The following TRPM1 variants were observed in gnomAD, a reference collection of about 807,000 sequenced individuals.
TRPM1 encodes the protein transient receptor potential cation channel subfamily M member 1.
Under a neutral mutation model 149.4 loss-of-function variants are expected in TRPM1, and 113 were observed. The observed-to-expected ratio is 0.76, with a 90% CI of 0.65 to 0.88. The LOEUF is 0.88. TRPM1 is among the 40% of genes least tolerant of loss of function. The probability of loss-of-function intolerance (pLI) is 0.00; values close to 1 mark genes in which losing one functional copy is unlikely to be tolerated. For missense variants in TRPM1, 1,976 were observed against 2,038.7 expected (o/e 0.97, Z 0.59); for synonymous variants, 741 against 759.5 (o/e 0.98, Z 0.40).
Position 31,002,898 on chromosome 15 carries a change from G to A in TRPM1, c.3802C>T (p.Arg1268Trp), listed in dbSNP as rs148625654. The A allele has an allele frequency of 5.9e-5, 95 of 1,613,810 alleles. No homozygotes were observed. The East Asian group carries it at 1.5e-3, about 26-fold the overall frequency. Residue 1268 changes from arginine (R) to tryptophan (W), a missense_variant, in exon 28 of 28, where the codon CGG (arginine) becomes TGG (tryptophan). By Grantham distance (101) the Arg-to-Trp change is moderately radical. Transcript: ENST00000256552. ...TCACATTCAGAAGAAGCCCGGGACC[G>A]TGCCTGGATCAGGTCAGACCTGTCG... is the stretch of plus-strand genomic sequence containing the variant. ...GIDRSDLIQA[R>W]SRASSECEAT...
chr15:31,095,860 G>A (rs113363806), intron 1 of TRPM1, among the ~76,000 whole-genome samples: 6,656 of 151,278 alleles, frequency 0.044, 512 homozygotes, highest in African/African-American at 0.15. Context: ...CCTGGCCAAC[G>A]TGGTGAAACC....
chr15:31,038,787 A>C (rs1405677933), intron 18 of TRPM1, among the ~76,000 whole-genome samples: 4 of 152,100 alleles, frequency 2.6e-5, no homozygotes, highest in Non-Finnish European at 4.4e-5. Context: ...AAATTAAAAT[A>C]GAATAATATA....
chr15:31,096,313 T>G (rs2035384944), intron 1 of TRPM1, among the ~76,000 whole-genome samples: 1 of 152,186 alleles, frequency 6.6e-6, no homozygotes, highest in Non-Finnish European at 1.5e-5. Context: ...TGTGCAGACA[T>G]CTTATACACT....
chr15:31,007,647 GCGCAGCAACAACAACAA>G (rs1272424703), intron 27 of TRPM1, among the ~76,000 whole-genome samples: 14 of 64,486 alleles, frequency 2.2e-4, no homozygotes, highest in South Asian at 1.7e-3. Context: ...AACAACAGCA[GCGCAGCAACAACAACAA>G]CAACAACAAC....
chr15:31,158,599 C>T (rs926460422), intron 1 of TRPM1, among the ~76,000 whole-genome samples: 15 of 144,566 alleles, frequency 1.0e-4, no homozygotes, highest in African/African-American at 5.2e-5. Context: ...TGCACTCCAG[C>T]CTGGGCGACA....
intron 22 of TRPM1, among the ~76,000 whole-genome samples, chr15:31,031,747 G>A (rs1316353683): frequency 1.3e-5 from 2 of 152,128 alleles, no homozygotes; most frequent in African/African-American, 4.8e-5. Context: ...TAGGAGGCTT[G>A]CTTTCTTCTT....
intron 11 of TRPM1, 172 bp downstream of exon 11, chr15:31,060,372 G>C: frequency 1.5e-6 from 1 of 664,940 alleles, no homozygotes; most frequent in African/African-American, 1.8e-5. Flanking sequence ...ACTTCTTGTT[G>C]GTTCTTTGAA....
intron 11 of TRPM1, among the ~76,000 whole-genome samples, chr15:31,051,982 T>C (rs2033959458): frequency 2.0e-5 from 3 of 152,222 alleles, no homozygotes; most frequent in Non-Finnish European, 4.4e-5. Context: ...ATGATTCATC[T>C]ACCCCTATGT....
rs1385899384 is a variant in TRPM1 at position 31,042,193 on chromosome 15, C to T, written c.1845G>A (p.Glu615=). 2 of 1,612,354 alleles carry T rather than the reference C, an allele frequency of 1.2e-6. No individual in the cohort carries two copies. The highest frequency in any genetic ancestry group is 2.7e-5 in the African/African-American group (2 of 74,878). ...KGKKKKKKKK[E]EEIDIDVDDP... ...CGTCCACATCAATGTCGATCTCTTC[C>T]TCCTTTTTCTTCTTTTTCTTTTTCT... The change falls in exon 17 of 28, where the codon GAG becomes GAA. Residue 615 remains glutamate, a synonymous_variant. Transcript: ENST00000256552.
intron 1 of TRPM1, among the ~76,000 whole-genome samples, chr15:31,106,823 T>C (rs2035613657): frequency 6.6e-6 from 1 of 152,242 alleles, no homozygotes; most frequent in South Asian, 2.1e-4. Context: ...ATTAAGGGTA[T>C]AAATATGAAA....
At chr15:31,157,736 A>G (rs2036395474) in intron 1 of TRPM1, among the ~76,000 whole-genome samples, 2 of 152,106 alleles carry the variant, frequency 1.3e-5, no homozygotes, top group South Asian at 4.2e-4. Flanking sequence ...CACGCTGTGC[A>G]CCCCAGTTGG....
intron 1 of TRPM1, among the ~76,000 whole-genome samples, chr15:31,151,445 A>C (rs114423308): frequency 0.013 from 2,009 of 152,312 alleles, 43 homozygotes; most frequent in African/African-American, 0.046. Flanking sequence ...TGCCAAGGGT[A>C]TCCCCTTGTC....
At chr15:31,088,638 T>C (rs1485923515) in intron 1 of TRPM1, among the ~76,000 whole-genome samples, 1 of 152,164 alleles carries the variant, frequency 6.6e-6, no homozygotes, top group South Asian at 2.1e-4. Flanking sequence ...AGGAACAAAC[T>C]GCGGACATGC....
chr15:31,089,263 G>A (rs926191978), intron 1 of TRPM1, among the ~76,000 whole-genome samples: 1 of 150,820 alleles, frequency 6.6e-6, no homozygotes, highest in African/African-American at 2.5e-5. Flanking sequence ...GTTTCTGAGG[G>A]TTGGCAATGG....
At chr15:31,090,012 C>G (rs1288087869) in intron 1 of TRPM1, among the ~76,000 whole-genome samples, 1 of 152,118 alleles carries the variant, frequency 6.6e-6, no homozygotes. Context: ...AAACCCTAAA[C>G]TAGTATGTGC....
chr15:31,112,990 T>C (rs371767859), intron 1 of TRPM1, among the ~76,000 whole-genome samples: 1 of 152,190 alleles, frequency 6.6e-6, no homozygotes, highest in African/African-American at 2.4e-5. Flanking sequence ...AACACAAGCT[T>C]AACCATCTGA....
chr15:31,074,571 T>C (rs949912938), intron 3 of TRPM1, among the ~76,000 whole-genome samples: 1 of 152,124 alleles, frequency 6.6e-6, no homozygotes. Context: ...TTGAGTCTTA[T>C]CTTTCTCTTC....
At chr15:31,113,088 T>C (rs748217369) in intron 1 of TRPM1, among the ~76,000 whole-genome samples, 5 of 152,186 alleles carry the variant, frequency 3.3e-5, no homozygotes, top group Non-Finnish European at 5.9e-5. Flanking sequence ...GTAGAACCCC[T>C]GTCCAGGGCT....
intron 23 of TRPM1, among the ~76,000 whole-genome samples, chr15:31,030,741 T>C (rs1460591597): frequency 6.6e-6 from 1 of 152,242 alleles, no homozygotes; most frequent in Non-Finnish European, 1.5e-5. Context: ...TGTGACACGA[T>C]GTCCATCAGG....
Sources: gnomAD v4.1 joint callset for allele counts (sites outside exome capture counted in the v4.1 genomes callset) on GRCh38, gnomAD v4.1.1 for gene constraint, MANE v1.5 for transcripts, NCBI Gene and HGNC (gene_info 2026-07-23, HGNC 2026-07-21) for gene names.